The following CNTN5 variants were observed in gnomAD, a reference collection of about 807,000 sequenced individuals.
The protein encoded by CNTN5 is contactin-5.
Under a neutral mutation model 129.1 loss-of-function variants are expected in CNTN5, and 77 were observed. The observed-to-expected ratio is 0.60, with a 90% CI of 0.50 to 0.72. The LOEUF (loss-of-function observed/expected upper bound fraction) is 0.72, where lower values mean the gene tolerates loss of function less well. CNTN5 is among the 30% of genes least tolerant of loss of function. The probability of loss-of-function intolerance (pLI) is 0.00; values close to 1 mark genes in which losing one functional copy is unlikely to be tolerated. For synonymous variants in CNTN5, 509 were observed against 465.6 expected (o/e 1.09, Z -1.20); for missense variants, 1,478 against 1,328.8 (o/e 1.11, Z -1.75).
intron 15 of CNTN5, among the ~76,000 whole-genome samples, chr11:100,223,035 G>T (rs1236708044): frequency 6.6e-6 from 1 of 152,100 alleles, no homozygotes; most frequent in Non-Finnish European, 1.5e-5. Context: ...TGCTTTTTCT[G>T]ATTTGAGAGA....
chr11:99,093,245 A>G (rs958562581), intron 1 of CNTN5, among the ~76,000 whole-genome samples: 7 of 152,076 alleles, frequency 4.6e-5, no homozygotes, highest in Admixed American at 2.6e-4. Flanking sequence ...TTATTGTTTA[A>G]TTTAGTTGTA....
chr11:100,235,454 T>A (rs1176414758), intron 16 of CNTN5, among the ~76,000 whole-genome samples: 1 of 151,510 alleles, frequency 6.6e-6, no homozygotes, highest in Non-Finnish European at 1.5e-5. Context: ...GGGCGAGGAG[T>A]ATGCTGAGGG....
intron 3 of CNTN5, among the ~76,000 whole-genome samples, chr11:99,674,399 G>T (rs1235122267): frequency 6.6e-6 from 1 of 151,940 alleles, no homozygotes; most frequent in African/African-American, 2.4e-5. Flanking sequence ...CCGTTATGTA[G>T]GTTGCCTGTT....
At chr11:99,675,410 C>G (rs1189993897) in intron 3 of CNTN5, among the ~76,000 whole-genome samples, 1 of 152,058 alleles carries the variant, frequency 6.6e-6, no homozygotes, top group Non-Finnish European at 1.5e-5. Context: ...AGGCTGGGTG[C>G]GGTGGCTCAC....
chr11:99,888,416 A>G (rs900353343), intron 6 of CNTN5, among the ~76,000 whole-genome samples: 2 of 152,162 alleles, frequency 1.3e-5, no homozygotes, highest in Non-Finnish European at 2.9e-5. Flanking sequence ...TACTCTAACA[A>G]TATGTTAACT....
In CNTN5 at chr11:100,153,870, CATATAAGTTTCAAATCTGTTA is replaced by C. The variant is rs538585166; in HGVS notation, c.1581-37255_1581-37235del. 1.5e-3 allele frequency among the ~76,000 whole-genome samples: 226 copies of C among 152,072 alleles called. 5 individuals carry two copies. The East Asian group carries it at 0.035, about 24-fold the overall frequency. On this transcript the variant is annotated intron_variant, in intron 13 of 24. Transcript: ENST00000524871. ...AGGCAGTAAAGTATTATTTCTAGTG[CATATAAGTTTCAAATCTGTTA>C]GTATAAGTTTCAAATCTGTTAGGTT...
At position 100,007,597 on chromosome 11, in the gene CNTN5, C is replaced by G. The variant is rs117468746; in HGVS notation, c.980+5461C>G. On this transcript the variant is annotated intron_variant, in intron 9 of 24. Transcript: ENST00000524871. ...AACTTTTCTCTTGCAGCTTCCTCAC[C>G]TCTGTCAGCCTTCATAGAATTGAAG... is the stretch of plus-strand genomic sequence containing the variant. Among the ~76,000 whole-genome samples the G allele has an allele frequency of 4.3e-4, 65 of 152,202 alleles. 1 individual carries two copies. The East Asian group carries it at 0.012, about 27-fold the overall frequency.
chr11:99,264,324 G>T (rs186877079), intron 1 of CNTN5, among the ~76,000 whole-genome samples: 4 of 150,902 alleles, frequency 2.7e-5, no homozygotes, highest in Admixed American at 2.0e-4. Flanking sequence ...CCCCTTTTTT[G>T]CACTTAATTA....
chr11:99,507,437 G>T (rs1946669774), intron 2 of CNTN5, among the ~76,000 whole-genome samples: 1 of 147,654 alleles, frequency 6.8e-6, no homozygotes, highest in Non-Finnish European at 1.5e-5. Flanking sequence ...TAAATATAAT[G>T]TATATTGACA....
intron 18 of CNTN5, among the ~76,000 whole-genome samples, chr11:100,296,321 TAC>T (rs1951098873): frequency 6.6e-6 from 1 of 151,574 alleles, no homozygotes; most frequent in African/African-American, 2.4e-5. Context: ...AGGTCATATT[TAC>T]AGTTATTGCT....
At chr11:99,151,526 T>G (rs1178369625) in intron 1 of CNTN5, among the ~76,000 whole-genome samples, 1 of 152,162 alleles carries the variant, frequency 6.6e-6, no homozygotes, top group Non-Finnish European at 1.5e-5. Flanking sequence ...TTTTGAATAT[T>G]TTCCGGTAAT....
chr11:99,154,356 G>A (rs1184598001), intron 1 of CNTN5, among the ~76,000 whole-genome samples: 1 of 152,194 alleles, frequency 6.6e-6, no homozygotes, highest in Non-Finnish European at 1.5e-5. Context: ...TGGCCTCCAT[G>A]CATGCATGCA....
chr11:99,275,169 T>C (rs563590717), intron 1 of CNTN5, among the ~76,000 whole-genome samples: 1 of 151,376 alleles, frequency 6.6e-6, no homozygotes, highest in East Asian at 1.9e-4. Flanking sequence ...TCTATTGACT[T>C]CATTGACAAG....
intron 6 of CNTN5, among the ~76,000 whole-genome samples, chr11:99,854,488 T>G (rs1175581920): frequency 6.6e-6 from 1 of 152,150 alleles, no homozygotes; most frequent in African/African-American, 2.4e-5. Flanking sequence ...TGTGGGAGGC[T>G]TGAAAATAAA....
intron 6 of CNTN5, among the ~76,000 whole-genome samples, chr11:99,878,717 G>T (rs375345014): frequency 2.6e-5 from 4 of 152,128 alleles, no homozygotes; most frequent in South Asian, 2.1e-4. Context: ...TTAGCCGGGC[G>T]TGGTGGCGCG....
At chr11:99,905,878 A>G (rs11221841) in intron 6 of CNTN5, among the ~76,000 whole-genome samples, 48,582 of 151,910 alleles carry the variant, frequency 0.32, 8,860 homozygotes, top group Non-Finnish European at 0.42. Context: ...ATATGTTCCT[A>G]GGTATTTTAT....
intron 18 of CNTN5, among the ~76,000 whole-genome samples, chr11:100,288,641 C>T (rs1416027792): frequency 2.0e-5 from 3 of 151,266 alleles, no homozygotes; most frequent in Non-Finnish European, 4.4e-5. Context: ...CACTAAATGC[C>T]CACAAGAGAA....
At chr11:99,170,651 T>G (rs1238261370) in intron 1 of CNTN5, among the ~76,000 whole-genome samples, 1 of 152,206 alleles carries the variant, frequency 6.6e-6, no homozygotes, top group Non-Finnish European at 1.5e-5. Flanking sequence ...GGTTGCAAAG[T>G]AGAACAGAAG....
At chr11:99,260,130 GCTAT>G (rs1862562314) in intron 1 of CNTN5, among the ~76,000 whole-genome samples, 1 of 151,580 alleles carries the variant, frequency 6.6e-6, no homozygotes, top group African/African-American at 2.4e-5. Flanking sequence ...GTCTAATGTG[GCTAT>G]CTTTTTGTAA....
Sources: gnomAD v4.1 joint callset for allele counts (sites outside exome capture counted in the v4.1 genomes callset) on GRCh38, gnomAD v4.1.1 for gene constraint, MANE v1.5 for transcripts, NCBI Gene and HGNC (gene_info 2026-07-23, HGNC 2026-07-21) for gene names.